ANKRD50: variants seen among roughly 807,000 people sequenced by gnomAD.
The protein encoded by ANKRD50 is ankyrin repeat domain-containing protein 50.
Under a neutral mutation model 112.0 loss-of-function variants are expected in ANKRD50, and 40 were observed. The ratio of observed to expected loss-of-function variants is 0.36; its 90% CI spans 0.28 to 0.46. The LOEUF is 0.46. Among genes scored for constraint, ANKRD50 ranks in the 20% least tolerant of loss-of-function variants. The probability of loss-of-function intolerance (pLI) is 1.00; values close to 1 mark genes in which losing one functional copy is unlikely to be tolerated. For missense variants in ANKRD50, 1,487 were observed against 1,701.7 expected, an observed-to-expected ratio of 0.87 and a Z score of 2.22; for synonymous variants, 613 against 619.1, an observed-to-expected ratio of 0.99 and a Z score of 0.15.
rs1458620485 is a variant in ANKRD50, at chr4:124,664,701, A to G, written c.*2817T>C. 2 of 152,428 alleles carry G rather than the reference A, an allele frequency of 1.3e-5. No homozygotes were observed. Among genetic ancestry groups the G allele is most frequent in the East Asian group, 3.9e-4 (2 of 5,192 alleles). The allele number at this position is 152,428 out of a possible 1,614,324, so 9.4% of individuals were successfully genotyped here. A position where few individuals can be genotyped will look rare whatever the true frequency, so the allele number is the denominator to read the frequency against. ...AAATGGAGGACATTAAGCAAAACAAATATTTGCATAGCCAAAACAATATTG... is the reference window on the plus strand; with the variant it reads ...AAATGGAGGACATTAAGCAAAACAAGTATTTGCATAGCCAAAACAATATTG... On this transcript the variant is annotated 3_prime_UTR_variant, in exon 5 of 5. Coordinates refer to ENST00000504087, the MANE Select transcript of ANKRD50 (RefSeq NM_020337.3).
At chr4:124,686,538 C>T (rs115053299) in intron 2 of ANKRD50, among the ~76,000 whole-genome samples, 2,106 of 152,176 alleles carry the variant, frequency 0.014, 48 homozygotes, top group African/African-American at 0.048. Context: ...TATGGAAAAG[C>T]CTTAACAAGG....
At chr4:124,686,664 G>T (rs556286146) in intron 2 of ANKRD50, among the ~76,000 whole-genome samples, 2 of 152,244 alleles carry the variant, frequency 1.3e-5, no homozygotes, top group East Asian at 3.9e-4. Context: ...AGTCTGAGGG[G>T]TATAATATAA....
At position 124,666,179 on chromosome 4, in the gene ANKRD50, C is replaced by A. The variant is rs971776095; in HGVS notation, c.*1339G>T. On this transcript the variant is annotated 3_prime_UTR_variant, in exon 5 of 5. Transcript: ENST00000504087. Reference sequence around the variant, plus strand: ...CAGACATATAAACGACCCATCTAAGCTACAGCTCCACTGATTTAAGAGTAA... The same window carrying A: ...CAGACATATAAACGACCCATCTAAGATACAGCTCCACTGATTTAAGAGTAA... The A allele has an allele frequency of 2.0e-5, 3 of 152,408 alleles. No individual in the cohort carries two copies. Among genetic ancestry groups the A allele is most frequent in the Admixed American group, 6.6e-5 (1 of 15,244 alleles). 9.4% of individuals were successfully genotyped at this position (152,408 alleles called of 1,614,324 possible). A position where few individuals can be genotyped will look rare whatever the true frequency, so the allele number is the denominator to read the frequency against.
chr4:124,677,184 C>G (rs1184885132), intron 3 of ANKRD50, among the ~76,000 whole-genome samples: 4 of 151,686 alleles, frequency 2.6e-5, no homozygotes, highest in Admixed American at 2.0e-4. Flanking sequence ...TGTTTATATA[C>G]AGCCCAACAA....
intron 4 of ANKRD50, 124 bp from the exon 5 acceptor site, chr4:124,667,638 ACAAAG>A (rs1730528153): frequency 6.6e-6 from 1 of 152,072 alleles, no homozygotes; most frequent in Admixed American, 6.6e-5. Context: ...CATGCAAAGC[ACAAAG>A]CAGACTTAAC....
At chr4:124,679,535 T>C (rs990052633) in intron 2 of ANKRD50, among the ~76,000 whole-genome samples, 10 of 152,344 alleles carry the variant, frequency 6.6e-5, no homozygotes, top group South Asian at 2.1e-4. Flanking sequence ...GTGTAACTTA[T>C]ATTGCAGTTG....
chr4:124,709,185 A>G (rs755124920), intron 2 of ANKRD50, among the ~76,000 whole-genome samples: 6 of 151,972 alleles, frequency 3.9e-5, no homozygotes, highest in Non-Finnish European at 7.4e-5. Flanking sequence ...TAATTCAAGC[A>G]GAAGTGAAGC....
In ANKRD50 at chr4:124,670,158, T is replaced by C. The variant is rs1167953289; in HGVS notation, c.3119A>G (p.His1040Arg). 16 of 1,612,014 alleles carry C rather than the reference T, an allele frequency of 9.9e-6. No individual in the cohort carries two copies. The highest frequency in any genetic ancestry group is 1.4e-5 in the Non-Finnish European group (16 of 1,179,446). The change falls in exon 4 of 5, where the codon CAT becomes CGT. Residue 1040 changes from histidine to arginine, a missense_variant. Around this residue, in one of 2 missense-constraint regions of ANKRD50, gnomAD observed 1,046 missense variants for 1,269.5 expected, o/e 0.82. Coordinates refer to ENST00000504087, the MANE Select transcript of ANKRD50 (RefSeq NM_020337.3). ...LLIEHGAVVDHTCNQGATALC... is the reference protein window; with the variant it reads ...LLIEHGAVVDRTCNQGATALC... ...TGCAGTTGCACCTTGGTTACATGTA[T>C]GGTCAACTACAGCACCATGCTCAAT...
chr4:124,707,278 A>G (rs779510589), intron 2 of ANKRD50, among the ~76,000 whole-genome samples: 5 of 152,064 alleles, frequency 3.3e-5, no homozygotes, highest in Non-Finnish European at 7.4e-5. Flanking sequence ...GTTGAATTAT[A>G]TCTATCCATG....
Position 124,670,188 on chromosome 4 carries a change from A to G in ANKRD50, c.3089T>C (p.Leu1030Pro). Residue 1030 changes from leucine (L) to proline (P), a missense_variant, in exon 4 of 5, where the codon CTT (leucine) becomes CCT (proline). Physicochemically the swap from Leu to Pro is moderately conservative, Grantham distance 98. Transcript: ENST00000504087. ...AWQGHVKVVQ[L>P]LIEHGAVVDH... is the part of the protein sequence containing the mutation. ...AACTACAGCACCATGCTCAATCAGA[A>G]GCTGAACCACTTTTACATGGCCCTG... is the stretch of plus-strand genomic sequence containing the variant. 1.2e-6 allele frequency: 2 copies of G among 1,612,716 alleles called. No individual in the cohort carries two copies. Among genetic ancestry groups the G allele is most frequent in the South Asian group, 2.2e-5 (2 of 90,814 alleles).
At position 124,669,690 on chromosome 4, in the gene ANKRD50, G is replaced by A; in HGVS notation, c.3587C>T (p.Ser1196Leu). 6.2e-7 allele frequency: 1 copy of A among 1,612,998 alleles called. No individual in the cohort carries two copies. Among genetic ancestry groups the A allele is most frequent in the East Asian group, 2.2e-5 (1 of 44,846 alleles). ...SSKNSSLRTT[S>L]STATAQTVPI... ...CACTGTTTGAGCCGTTGCTGTAGAT[G>A]AAGTAGTTCTCAAAGATGAATTTTT... is the stretch of plus-strand genomic sequence containing the variant. Residue 1196 changes from serine to leucine, a missense_variant, in exon 4 of 5, where the codon TCA becomes TTA. By Grantham distance (145) the Ser-to-Leu change is moderately radical (BLOSUM62 -2). Coordinates refer to ENST00000504087, the MANE Select transcript of ANKRD50 (RefSeq NM_020337.3).
chr4:124,676,490 T>C (rs1357177349), intron 3 of ANKRD50, among the ~76,000 whole-genome samples: 4 of 151,604 alleles, frequency 2.6e-5, no homozygotes, highest in East Asian at 1.9e-4. Context: ...AATAGAGTAA[T>C]AGTACACAGA....
intron 2 of ANKRD50, among the ~76,000 whole-genome samples, chr4:124,682,647 A>G (rs949272850): frequency 2.6e-5 from 4 of 152,102 alleles, no homozygotes; most frequent in African/African-American, 4.8e-5. Flanking sequence ...ATATCTAGTA[A>G]TAGTCTTTTC....
In ANKRD50 at chr4:124,669,578, A is replaced by G. The variant is rs1560816954; in HGVS notation, c.3699T>C (p.Val1233=). The G allele has an allele frequency of 6.2e-7, 1 of 1,613,468 alleles. No homozygotes were observed. ...AGGACTGTGTTGTGGAAGATGGGGA[A>G]ACAATTGACTGTCGACTTCTACTGC... ...LPRSRSRQSI[V]SPSSTTQSLG... Residue 1233 remains valine (V), a synonymous_variant, in exon 4 of 5, where the codon GTT becomes GTC. Transcript: ENST00000504087.
chr4:124,706,110 T>C (rs1725498630), intron 2 of ANKRD50, among the ~76,000 whole-genome samples: 1 of 152,132 alleles, frequency 6.6e-6, no homozygotes, highest in South Asian at 2.1e-4. Flanking sequence ...TTTCTCTCTA[T>C]ATGAATAAGA....
At chr4:124,682,841 C>A (rs1724924054) in intron 2 of ANKRD50, among the ~76,000 whole-genome samples, 1 of 151,862 alleles carries the variant, frequency 6.6e-6, no homozygotes, top group African/African-American at 2.4e-5. Flanking sequence ...AAATTCTATC[C>A]TTTAATTAAG....
At chr4:124,678,196 T>A (rs1176572654) in intron 3 of ANKRD50, among the ~76,000 whole-genome samples, 1 of 152,222 alleles carries the variant, frequency 6.6e-6, no homozygotes, top group Admixed American at 6.5e-5. Flanking sequence ...TGTCCTTGTT[T>A]TACACTTCTT....
chr4:124,708,725 C>T (rs1725561224), intron 2 of ANKRD50, among the ~76,000 whole-genome samples: 1 of 149,824 alleles, frequency 6.7e-6, no homozygotes. Flanking sequence ...CACACATACA[C>T]ACACACACAT....
intron 2 of ANKRD50, among the ~76,000 whole-genome samples, chr4:124,679,738 C>G (rs1255913991): frequency 2.6e-5 from 4 of 152,110 alleles, no homozygotes; most frequent in Non-Finnish European, 5.9e-5. Context: ...AATATAATAG[C>G]CACCAAGATC....
Sources: gnomAD v4.1 joint callset for allele counts (sites outside exome capture counted in the v4.1 genomes callset) on GRCh38, gnomAD v4.1.1 for gene constraint, gnomAD v4.1.1 regional missense constraint, MANE v1.5 for transcripts, NCBI Gene and HGNC (gene_info 2026-07-23, HGNC 2026-07-21) for gene names.